JAKMIP1: variants seen among roughly 807,000 people sequenced by gnomAD.
JAKMIP1 encodes the protein janus kinase and microtubule interacting protein 1, also known as janus kinase and microtubule-interacting protein 1.
In JAKMIP1, 33 loss-of-function variants were observed where a neutral mutation model predicts 113.0. The observed-to-expected ratio is 0.29, with a 90% CI of 0.22 to 0.39. JAKMIP1 has a LOEUF of 0.39. Ranked by LOEUF, JAKMIP1 falls within the 10% of genes least tolerant of loss-of-function variation. JAKMIP1 has a pLI of 1.00. For missense variants in JAKMIP1, 813 were observed against 1,080.5 expected (o/e 0.75, Z 3.47); for synonymous variants, 480 against 459.9 (o/e 1.04, Z -0.56).
At chr4:6,182,423 A>AAAAGAAAG (rs1218522312) in intron 1 of JAKMIP1, among the ~76,000 whole-genome samples, 62 of 140,238 alleles carry the variant, frequency 4.4e-4, no homozygotes, top group South Asian at 1.7e-3. Flanking sequence ...AAAAAAAAAA[A>AAAAGAAAG]AAAGAAAGAA....
intron 1 of JAKMIP1, among the ~76,000 whole-genome samples, chr4:6,121,867 TG>T (rs1232826922): frequency 7.2e-5 from 11 of 152,352 alleles, no homozygotes; most frequent in Middle Eastern, 6.8e-3. Context: ...ATTTGACCTG[TG>T]GGCATCACTC....
At chr4:6,171,596 C>T (rs1002618439) in intron 1 of JAKMIP1, among the ~76,000 whole-genome samples, 1 of 152,204 alleles carries the variant, frequency 6.6e-6, no homozygotes, top group Non-Finnish European at 1.5e-5. Context: ...TCGATCCCCC[C>T]CCAAGTATGT....
intron 3 of JAKMIP1, among the ~76,000 whole-genome samples, chr4:6,103,738 T>G (rs1435349615): frequency 6.6e-6 from 1 of 152,222 alleles, no homozygotes; most frequent in Non-Finnish European, 1.5e-5. Context: ...TACATTGTGC[T>G]TATTCAAGGA....
At chr4:6,058,275 TA>T (rs1254544592) in intron 11 of JAKMIP1, among the ~76,000 whole-genome samples, 2 of 152,240 alleles carry the variant, frequency 1.3e-5, no homozygotes, top group Non-Finnish European at 2.9e-5. Context: ...TCATAAGTGT[TA>T]AAAATAATAG....
intron 1 of JAKMIP1, among the ~76,000 whole-genome samples, chr4:6,124,536 C>T (rs535364560): frequency 2.0e-5 from 3 of 152,344 alleles, no homozygotes; most frequent in African/African-American, 7.2e-5. Context: ...TGTCTGCATT[C>T]GTGTGACACA....
intron 1 of JAKMIP1, among the ~76,000 whole-genome samples, chr4:6,124,823 G>A (rs1297431487): frequency 6.6e-6 from 1 of 152,170 alleles, no homozygotes; most frequent in Non-Finnish European, 1.5e-5. Flanking sequence ...CACCTCTTTG[G>A]GGCAAACCTT....
At position 6,064,569 on chromosome 4, in the gene JAKMIP1, G is replaced by C. The variant is rs181612966; in HGVS notation, c.1431+311C>G. Among the ~76,000 whole-genome samples, 230 of 152,276 alleles carry C rather than the reference G, an allele frequency of 1.5e-3. No individual in the cohort carries two copies. The highest frequency in any genetic ancestry group is 5.2e-3 in the African/African-American group (214 of 41,552). On this transcript the variant is annotated intron_variant, in intron 9 of 20. Coordinates refer to ENST00000409021, the MANE Select transcript of JAKMIP1 (RefSeq NM_001099433.2). The surrounding 1 kb of genome is among the most constrained non-coding windows in gnomAD (Gnocchi z 4.3). ...CAGCAGTTTTAATTGCAAATGGTGA[G>C]GAAACCCAAGGCAACATCCCTCAAT...
chr4:6,071,521 G>A (rs1425917397), intron 8 of JAKMIP1, among the ~76,000 whole-genome samples: 3 of 152,188 alleles, frequency 2.0e-5, no homozygotes, highest in Non-Finnish European at 4.4e-5. Context: ...CACTCCTGGC[G>A]CTGGGGTTTC....
intron 1 of JAKMIP1, among the ~76,000 whole-genome samples, chr4:6,174,563 G>A (rs1394523208): frequency 6.6e-6 from 1 of 152,196 alleles, no homozygotes; most frequent in African/African-American, 2.4e-5. Context: ...CAGAAGAACA[G>A]GCCTGGGCTC....
intron 8 of JAKMIP1, among the ~76,000 whole-genome samples, chr4:6,072,889 G>T (rs551810540): frequency 1.3e-5 from 2 of 152,146 alleles, no homozygotes; most frequent in Admixed American, 1.3e-4. Flanking sequence ...GACCAGCCTG[G>T]CCAATATGGT....
intron 1 of JAKMIP1, among the ~76,000 whole-genome samples, chr4:6,148,607 TC>T (rs1258532624): frequency 1.3e-5 from 2 of 152,222 alleles, no homozygotes; most frequent in Non-Finnish European, 2.9e-5. Context: ...CCTGGTGCGC[TC>T]CCCTTGTGGG....
chr4:6,169,463 G>A (rs542514411), intron 1 of JAKMIP1, among the ~76,000 whole-genome samples: 9 of 152,252 alleles, frequency 5.9e-5, no homozygotes, highest in Non-Finnish European at 1.3e-4. Flanking sequence ...AGTGAAGAAC[G>A]ATCCTCCACT....
intron 11 of JAKMIP1, 79 bp downstream of exon 11, chr4:6,060,345 G>A: frequency 2.8e-6 from 3 of 1,090,868 alleles, no homozygotes; most frequent in Non-Finnish European, 4.3e-6. Flanking sequence ...GTCCCCCTTG[G>A]CACAAGGGCG....
Position 6,044,700 on chromosome 4 carries a change from G to C in JAKMIP1, c.2029-2473C>G, listed in dbSNP as rs116469373. Among the ~76,000 whole-genome samples the C allele has an allele frequency of 6.6e-6, 1 of 151,804 alleles. No individual in the cohort carries two copies. Among genetic ancestry groups the C allele is most frequent in the East Asian group, 1.9e-4 (1 of 5,188 alleles). On this transcript the variant is annotated intron_variant, in intron 16 of 20. Transcript: ENST00000409021. The surrounding 1 kb of genome is among the most constrained non-coding windows in gnomAD (Gnocchi z 4.4). ...CAGAACGGTTTCTGCAGAACACAGT[G>C]TTGAGATTTGTTGCTGCTGTCGTTT...
intron 1 of JAKMIP1, among the ~76,000 whole-genome samples, chr4:6,166,934 C>T (rs1723711088): frequency 6.6e-6 from 1 of 152,122 alleles, no homozygotes; most frequent in South Asian, 2.1e-4. Flanking sequence ...CCTCCTCCAC[C>T]CTGGGACAGC....
chr4:6,039,733 C>A (rs1714066840), intron 18 of JAKMIP1, among the ~76,000 whole-genome samples: 1 of 152,202 alleles, frequency 6.6e-6, no homozygotes, highest in Non-Finnish European at 1.5e-5. Context: ...ACAGCCTCGA[C>A]AGGAAGGGAC....
intron 1 of JAKMIP1, among the ~76,000 whole-genome samples, chr4:6,131,215 C>A (rs1212002116): frequency 1.6e-5 from 2 of 126,690 alleles, no homozygotes; most frequent in South Asian, 2.6e-4. Context: ...GGTATAAACA[C>A]ATATATAAAA....
intron 7 of JAKMIP1, among the ~76,000 whole-genome samples, chr4:6,079,529 T>C (rs1368509000): frequency 1.3e-5 from 2 of 152,156 alleles, no homozygotes; most frequent in Non-Finnish European, 2.9e-5. Context: ...CACACCCACT[T>C]TGGTGAGCAG....
In JAKMIP1 at chr4:6,069,529, G is replaced by A. The variant is rs149904889; in HGVS notation, c.1303-4521C>T. ...TTTGGGAGGCTGAGGCAGAAAGATC[G>A]CTTGAGCCCAGGAGTTCAAGATCAA... On this transcript the variant is annotated intron_variant, in intron 8 of 20. Transcript: ENST00000409021. The surrounding 1 kb of genome is among the most constrained non-coding windows in gnomAD (Gnocchi z 4.5). Among the ~76,000 whole-genome samples the A allele has an allele frequency of 7.9e-5, 12 of 152,060 alleles. No homozygotes were observed. Among genetic ancestry groups the A allele is most frequent in the East Asian group, 1.9e-4 (1 of 5,176 alleles).
Sources: gnomAD v4.1 joint callset for allele counts (sites outside exome capture counted in the v4.1 genomes callset) on GRCh38, gnomAD v4.1.1 for gene constraint, Gnocchi (gnomAD v3.1) non-coding constraint, MANE v1.5 for transcripts, NCBI Gene and HGNC (gene_info 2026-07-23, HGNC 2026-07-21) for gene names.